CCNT1: variants seen among roughly 807,000 people sequenced by gnomAD.
CCNT1 encodes cyclin-T1.
CCNT1 carries 18 observed loss-of-function variants against 67.3 expected under a neutral mutation model. That is an observed-to-expected ratio of 0.27 (90% CI 0.18 to 0.40). CCNT1 has a LOEUF of 0.40. Ranked by LOEUF, CCNT1 falls within the 10% of genes least tolerant of loss-of-function variation. The pLI, the probability that CCNT1 is intolerant of heterozygous loss-of-function variation, is 1.00. For missense variants in CCNT1, 744 were observed against 884.9 expected (o/e 0.84, Z 2.02); for synonymous variants, 333 against 310.3 (o/e 1.07, Z -0.77).
At chr12:48,702,336 A>G (rs982872700) in intron 3 of CCNT1, among the ~76,000 whole-genome samples, 1 of 152,284 alleles carries the variant, frequency 6.6e-6, no homozygotes, top group African/African-American at 2.4e-5. Context: ...AAGTAACAGA[A>G]GAGTTCAAAG....
In CCNT1 at chr12:48,691,403, A is replaced by C. The variant is rs957148639; in HGVS notation, c.*1630T>G. On this transcript the variant is annotated 3_prime_UTR_variant, in exon 9 of 9. Coordinates refer to ENST00000261900, the MANE Select transcript of CCNT1 (RefSeq NM_001240.4). ...AAGTAAGCTGCAATCAAATCATGAA[A>C]ACAAACTCAAATTGAACCACCTTTT... The C allele has an allele frequency of 6.6e-6, 1 of 152,218 alleles. No individual in the cohort carries two copies. The highest frequency in any genetic ancestry group is 1.5e-5 in the Non-Finnish European group (1 of 68,046). The allele number at this position is 152,218 out of a possible 1,614,324, so 9.4% of individuals were successfully genotyped here.
intron 2 of CCNT1, among the ~76,000 whole-genome samples, chr12:48,712,580 A>C (rs113145846): frequency 1.9e-5 from 1 of 53,892 alleles, no homozygotes; most frequent in Non-Finnish European, 3.1e-5. Context: ...TCTTTTCCTT[A>C]AAAAAAAAAA....
intron 2 of CCNT1, among the ~76,000 whole-genome samples, chr12:48,707,655 C>A (rs1297868910): frequency 6.8e-6 from 1 of 147,008 alleles, no homozygotes; most frequent in Middle Eastern, 3.2e-3. Flanking sequence ...ATGTATATAA[C>A]TATTATGTAC....
At position 48,694,304 on chromosome 12, in the gene CCNT1, T is replaced by C. The variant is rs1319836719; in HGVS notation, c.910A>G (p.Thr304Ala). The C allele has an allele frequency of 3.1e-6, 5 of 1,614,224 alleles. No homozygotes were observed. The highest frequency in any genetic ancestry group is 4.2e-6 in the Non-Finnish European group (5 of 1,180,042). Reference protein sequence around the residue: ...TTIAGLMSMSTSTTSAVPSLP... With the variant: ...TTIAGLMSMSASTTSAVPSLP... ...GAAGGCACTGCACTTGTGGTAGAAGTTGACATGCTCATTAAACCTGCAATG... is the reference window on the plus strand; with the variant it reads ...GAAGGCACTGCACTTGTGGTAGAAGCTGACATGCTCATTAAACCTGCAATG... Residue 304 changes from threonine (T) to alanine (A), a missense_variant, in exon 9 of 9, where the codon ACT becomes GCT. By Grantham distance (58) the Thr-to-Ala change is moderately conservative (BLOSUM62 0). Transcript: ENST00000261900.
At chr12:48,710,681 A>G (rs1940435145) in intron 2 of CCNT1, among the ~76,000 whole-genome samples, 1 of 152,248 alleles carries the variant, frequency 6.6e-6, no homozygotes, top group Non-Finnish European at 1.5e-5. Flanking sequence ...CTACCAGATC[A>G]TCCATTCATT....
In CCNT1 at chr12:48,716,692, G is replaced by T. The variant is rs757236939; in HGVS notation, c.-17C>A. 1.2e-6 allele frequency: 2 copies of T among 1,609,614 alleles called. No homozygotes were observed. Among genetic ancestry groups the T allele is most frequent in the Admixed American group, 1.7e-5 (1 of 59,666 alleles). On this transcript the variant is annotated 5_prime_UTR_variant, in exon 1 of 9. Transcript: ENST00000261900. ...TCCCTCCATAGTGCTTCAACCAGAA[G>T]GCAGCGGCGAAGGCTGCAGGCACTT...
At chr12:48,715,930 G>A (rs1940526359) in intron 1 of CCNT1, among the ~76,000 whole-genome samples, 1 of 152,190 alleles carries the variant, frequency 6.6e-6, no homozygotes, top group Non-Finnish European at 1.5e-5. Context: ...CTGAGCATCT[G>A]AATGCAAAGC....
intron 6 of CCNT1, chr12:48,697,832 AAT>A (rs1449102259): frequency 8.9e-6 from 1 of 112,896 alleles, no homozygotes; most frequent in Admixed American, 1.0e-4. Context: ...AAATAATAAT[AAT>A]AATTTAAAAA....
At position 48,702,512 on chromosome 12, in the gene CCNT1, C is replaced by T. The variant is rs114501629; in HGVS notation, c.373-1439G>A. ...TAAAAAATAAAGAATGGGCCGGGTG[C>T]GGTGGCTCACGCCAGTAATCCCAGC... is the stretch of plus-strand genomic sequence containing the variant. On this transcript the variant is annotated intron_variant, in intron 3 of 8. Coordinates refer to ENST00000261900, the MANE Select transcript of CCNT1 (RefSeq NM_001240.4). 4.7e-3 allele frequency among the ~76,000 whole-genome samples: 718 copies of T among 152,184 alleles called. 2 individuals carry two copies. The highest frequency in any genetic ancestry group is 0.016 in the African/African-American group (672 of 41,542).
At chr12:48,701,103 T>C (rs762912438) in intron 3 of CCNT1, 30 bp from the exon 4 acceptor site, 81 of 1,334,880 alleles carry the variant, frequency 6.1e-5, no homozygotes, top group South Asian at 1.2e-4. Context: ...AATTATTCCC[T>C]ACAAAGGCAC....
intron 2 of CCNT1, among the ~76,000 whole-genome samples, chr12:48,713,797 G>A (rs1490834712): frequency 6.6e-6 from 1 of 152,128 alleles, no homozygotes; most frequent in Non-Finnish European, 1.5e-5. Context: ...CCCTACCCCA[G>A]CAAGAAAAAG....
intron 2 of CCNT1, among the ~76,000 whole-genome samples, chr12:48,712,588 A>T (rs1565621859): frequency 4.6e-5 from 2 of 43,926 alleles, no homozygotes; most frequent in African/African-American, 1.9e-4. Flanking sequence ...TTAAAAAAAA[A>T]AAAAAATAAA....
At position 48,691,879 on chromosome 12, in the gene CCNT1, CAAATCACAATT is replaced by C. The variant is rs1385114840; in HGVS notation, c.*1143_*1153del. The C allele has an allele frequency of 6.6e-6, 1 of 152,178 alleles. No individual in the cohort carries two copies. Among genetic ancestry groups the C allele is most frequent in the East Asian group, 1.9e-4 (1 of 5,200 alleles). 9.4% of individuals were successfully genotyped at this position (152,178 alleles called of 1,614,324 possible). A position where few individuals can be genotyped will look rare whatever the true frequency, so the allele number is the denominator to read the frequency against. Reference sequence around the variant, plus strand: ...TTTTTAAAACAATGTTCTAAACTTCCAAATCACAATTTCATTGTTTTTAGTATCCTCTAGCT... The same window carrying C: ...TTTTTAAAACAATGTTCTAAACTTCCTCATTGTTTTTAGTATCCTCTAGCT... On this transcript the variant is annotated 3_prime_UTR_variant, in exon 9 of 9. Coordinates refer to ENST00000261900, the MANE Select transcript of CCNT1 (RefSeq NM_001240.4).
At chr12:48,714,121 TG>T (rs1940498509) in intron 2 of CCNT1, among the ~76,000 whole-genome samples, 1 of 152,210 alleles carries the variant, frequency 6.6e-6, no homozygotes, top group African/African-American at 2.4e-5. Flanking sequence ...TTGCCCAGGC[TG>T]GTTTTGAACT....
intron 1 of CCNT1, among the ~76,000 whole-genome samples, chr12:48,715,599 T>C (rs1300470410): frequency 1.3e-5 from 2 of 152,008 alleles, no homozygotes; most frequent in Admixed American, 6.6e-5. Context: ...TAGCTGGGAT[T>C]ACAGCTGCCC....
chr12:48,707,049 A>G (rs1047266551), intron 2 of CCNT1, among the ~76,000 whole-genome samples: 5 of 152,198 alleles, frequency 3.3e-5, no homozygotes, highest in Admixed American at 2.0e-4. Context: ...CTCCATACAC[A>G]TACGGAAAAA....
In CCNT1 at chr12:48,690,446, G is replaced by C. The variant is rs1487742106; in HGVS notation, c.*2587C>G. 1.3e-5 allele frequency: 2 copies of C among 152,324 alleles called. No homozygotes were observed. The highest frequency in any genetic ancestry group is 4.8e-5 in the African/African-American group (2 of 41,426). The allele number at this position is 152,324 out of a possible 1,614,324, so 9.4% of individuals were successfully genotyped here. A position where few individuals can be genotyped will look rare whatever the true frequency, so the allele number is the denominator to read the frequency against. On this transcript the variant is annotated 3_prime_UTR_variant, in exon 9 of 9. Coordinates refer to ENST00000261900, the MANE Select transcript of CCNT1 (RefSeq NM_001240.4). Reference sequence around the variant, plus strand: ...AAAAACCTTAAGTTTATGGAATTTGGACAATACACATGCTAGTTGACAGGC... The same window carrying C: ...AAAAACCTTAAGTTTATGGAATTTGCACAATACACATGCTAGTTGACAGGC...
intron 2 of CCNT1, among the ~76,000 whole-genome samples, chr12:48,710,363 T>TA (rs1441850599): frequency 3.3e-5 from 5 of 152,214 alleles, no homozygotes. Flanking sequence ...ATTAGTATGT[T>TA]AAAAGGTGAT....
chr12:48,697,920 T>C lies in CCNT1; in HGVS notation c.542+218A>G, dbSNP rs191297915. 269 of 283,052 alleles carry C rather than the reference T, an allele frequency of 9.5e-4. 1 individual carries two copies. Among genetic ancestry groups the C allele is most frequent in the African/African-American group, 5.9e-3 (259 of 44,250 alleles). The allele number at this position is 283,052 out of a possible 1,614,324, so 17.5% of individuals were successfully genotyped here. On this transcript the variant is annotated intron_variant, in intron 6 of 8. Coordinates refer to ENST00000261900, the MANE Select transcript of CCNT1 (RefSeq NM_001240.4). ...AGAATACTCCAAATTAGATTTTCAG[T>C]CACTATCATGCAGAACTGAGTAGGT...
Sources: allele counts gnomAD v4.1 joint callset (sites outside exome capture counted in the v4.1 genomes callset), GRCh38; gene constraint gnomAD v4.1.1; transcripts MANE v1.5; gene names NCBI Gene and HGNC (gene_info 2026-07-23, HGNC 2026-07-21).